SPAG6: variants seen among roughly 807,000 people sequenced by gnomAD.
SPAG6 encodes the protein sperm-associated antigen 6.
Under a neutral mutation model 58.5 loss-of-function variants are expected in SPAG6, and 49 were observed. That is an observed-to-expected ratio of 0.84 (90% CI 0.67 to 1.06). SPAG6 has a LOEUF of 1.06. SPAG6 is among the 50% of genes least tolerant of loss of function. The pLI is 0.00. For synonymous variants in SPAG6, 233 were observed against 225.6 expected, an observed-to-expected ratio of 1.03 and a Z score of -0.29; for missense variants, 560 against 611.3, an observed-to-expected ratio of 0.92 and a Z score of 0.89.
intron 6 of SPAG6, 123 bp downstream of exon 6, chr10:22,388,119 G>A (rs548271507): frequency 3.5e-4 from 261 of 735,474 alleles, no homozygotes; most frequent in Non-Finnish European, 4.7e-4. Flanking sequence ...AGGATTTCTC[G>A]TCTTCTACTG....
At position 22,346,006 on chromosome 10, in the gene SPAG6, G is replaced by A. The variant is rs936224249; in HGVS notation, c.121+188G>A. 11 of 1,547,336 alleles carry A rather than the reference G, an allele frequency of 7.1e-6. No homozygotes were observed. In the African/African-American group the frequency reaches 1.4e-4, roughly 19 times the overall value. ...GGGTGAAGCTTCCAGATGGTTGTGG[G>A]AGGTGCGCGTTGTCCCTGTTTCCAT... On this transcript the variant is annotated intron_variant, in intron 2 of 10. Transcript: ENST00000376624.
intron 4 of SPAG6, among the ~76,000 whole-genome samples, chr10:22,369,416 A>C (rs1291582639): frequency 1.3e-5 from 2 of 152,256 alleles, no homozygotes; most frequent in African/African-American, 4.8e-5. Context: ...TAAAATAAAC[A>C]TATGTAAAAA....
chr10:22,372,835 T>C lies in SPAG6; in HGVS notation c.472+4157T>C, dbSNP rs148927472. Among the ~76,000 whole-genome samples, 28 of 152,322 alleles carry C rather than the reference T, an allele frequency of 1.8e-4. No individual in the cohort carries two copies. The East Asian group carries it at 5.2e-3, about 28-fold the overall frequency. ...CAAGCCTGGCAAAGAGGAATACATT[T>C]GATTAGACATTCTACAACTTTTAAA... On this transcript the variant is annotated intron_variant, in intron 4 of 10. Coordinates refer to ENST00000376624, the MANE Select transcript of SPAG6 (RefSeq NM_012443.4).
intron 10 of SPAG6, 56 bp downstream of exon 10, chr10:22,411,232 A>C: frequency 6.8e-7 from 1 of 1,473,638 alleles, no homozygotes. Flanking sequence ...TTCTGTTTTC[A>C]CATCTAGGTT....
At chr10:22,356,457 C>T (rs1311040982) in intron 2 of SPAG6, among the ~76,000 whole-genome samples, 1 of 152,140 alleles carries the variant, frequency 6.6e-6, no homozygotes, top group African/African-American at 2.4e-5. Context: ...AGTAAAGCTC[C>T]CCAGTGACTT....
chr10:22,373,875 A>C (rs954087042), intron 4 of SPAG6, among the ~76,000 whole-genome samples: 5 of 152,138 alleles, frequency 3.3e-5, no homozygotes, highest in Non-Finnish European at 5.9e-5. Flanking sequence ...GGTGCTAGTG[A>C]AAAAAATATA....
intron 6 of SPAG6, among the ~76,000 whole-genome samples, chr10:22,388,226 C>G (rs1251835129): frequency 6.6e-6 from 1 of 151,656 alleles, no homozygotes; most frequent in African/African-American, 2.4e-5. Flanking sequence ...CCACTAGATG[C>G]CAAAAGCACC....
intron 2 of SPAG6, among the ~76,000 whole-genome samples, chr10:22,349,506 T>C (rs1836659882): frequency 6.6e-6 from 1 of 152,248 alleles, no homozygotes; most frequent in African/African-American, 2.4e-5. Context: ...GAAACATGTT[T>C]TGTGGCTTAC....
chr10:22,407,957 CGTA>C (rs1300290966), intron 9 of SPAG6, among the ~76,000 whole-genome samples: 3 of 147,276 alleles, frequency 2.0e-5, no homozygotes, highest in African/African-American at 8.0e-5. Context: ...GCATTCTTCA[CGTA>C]GTTCTCGAGC....
intron 2 of SPAG6, among the ~76,000 whole-genome samples, chr10:22,362,724 G>A (rs1315266664): frequency 6.6e-6 from 1 of 151,896 alleles, no homozygotes; most frequent in Non-Finnish European, 1.5e-5. Context: ...GCAAAATTCT[G>A]TTTCAAAACA....
chr10:22,360,673 A>G (rs1019363887), intron 2 of SPAG6: 2 of 471,910 alleles, frequency 4.2e-6, no homozygotes, highest in African/African-American at 4.0e-5. Context: ...GTGAATTGTT[A>G]TTTTTAGTAT....
At chr10:22,393,410 A>G (rs1252947308) in intron 8 of SPAG6, among the ~76,000 whole-genome samples, 1 of 152,176 alleles carries the variant, frequency 6.6e-6, no homozygotes, top group East Asian at 1.9e-4. Context: ...AGGTAAGAGT[A>G]TGTACTTTTT....
chr10:22,377,739 C>T (rs926182936), intron 4 of SPAG6, among the ~76,000 whole-genome samples: 1 of 152,172 alleles, frequency 6.6e-6, no homozygotes, highest in African/African-American at 2.4e-5. Flanking sequence ...ACATATTACC[C>T]TCCCAATGTT....
intron 9 of SPAG6, among the ~76,000 whole-genome samples, chr10:22,406,951 G>A (rs1344955801): frequency 5.3e-4 from 81 of 152,024 alleles, no homozygotes; most frequent in African/African-American, 1.7e-3. Context: ...CAGAGACTAG[G>A]ATTGCAACCC....
intron 8 of SPAG6, among the ~76,000 whole-genome samples, chr10:22,396,401 C>T (rs1834294047): frequency 6.6e-6 from 1 of 152,146 alleles, no homozygotes; most frequent in Non-Finnish European, 1.5e-5. Flanking sequence ...GTGCCTTTTG[C>T]CTCCTGCTGT....
intron 9 of SPAG6, among the ~76,000 whole-genome samples, chr10:22,407,292 T>C (rs532554701): frequency 2.6e-5 from 4 of 152,230 alleles, no homozygotes; most frequent in Non-Finnish European, 4.4e-5. Flanking sequence ...TTTCTTTCCA[T>C]GTTTAGCGCT....
At chr10:22,412,713 A>C (rs1834771080) in intron 10 of SPAG6, 2 of 401,762 alleles carry the variant, frequency 5.0e-6, no homozygotes, top group Admixed American at 4.3e-5. Flanking sequence ...CTGGGACTAC[A>C]GGCACACGCT....
chr10:22,383,768 C>G (rs1019712126), intron 4 of SPAG6, among the ~76,000 whole-genome samples: 1 of 152,214 alleles, frequency 6.6e-6, no homozygotes, highest in African/African-American at 2.4e-5. Flanking sequence ...TGATTCCTGG[C>G]TCTGCTCTGT....
At position 22,405,570 on chromosome 10, in the gene SPAG6, T is replaced by C. The variant is rs1390535038; in HGVS notation, c.1314+4293T>C. ...TTTATTGAGGATTTTTGCATCAATG[T>C]TCATCAAGGATATTGGTCTAAAATT... On this transcript the variant is annotated intron_variant, in intron 9 of 10. Coordinates refer to ENST00000376624, the MANE Select transcript of SPAG6 (RefSeq NM_012443.4). Among the ~76,000 whole-genome samples the C allele has an allele frequency of 2.0e-5, 3 of 150,622 alleles. No homozygotes were observed. In the East Asian group the frequency reaches 5.9e-4, roughly 29 times the overall value.
Sources: allele counts gnomAD v4.1 joint callset (sites outside exome capture counted in the v4.1 genomes callset), GRCh38; gene constraint gnomAD v4.1.1; transcripts MANE v1.5; gene names NCBI Gene and HGNC (gene_info 2026-07-23, HGNC 2026-07-21).